URB2: variants seen among roughly 807,000 people sequenced by gnomAD.
URB2 encodes URB2 ribosome biogenesis homolog, also known as unhealthy ribosome biogenesis protein 2 homolog.
In URB2, 86 loss-of-function variants were observed where a neutral mutation model predicts 120.9. That is an observed-to-expected ratio of 0.71 (90% confidence interval 0.60 to 0.85). The LOEUF is 0.85. Among genes scored for constraint, URB2 ranks in the 40% least tolerant of loss-of-function variants. The pLI is 0.00. For missense variants in URB2, 1,765 were observed against 1,836.5 expected, an observed-to-expected ratio of 0.96 and a Z score of 0.71; for synonymous variants, 755 against 758.4, an observed-to-expected ratio of 1.00 and a Z score of 0.07.
At chr1:229,648,438 T>G (rs1283668039) in intron 7 of URB2, among the ~76,000 whole-genome samples, 2 of 152,260 alleles carry the variant, frequency 1.3e-5, no homozygotes, top group Non-Finnish European at 2.9e-5. Context: ...CTTGCTGGGC[T>G]TATAATTCAA....
At chr1:229,648,702 C>T (rs1050140720) in intron 7 of URB2, among the ~76,000 whole-genome samples, 1 of 152,226 alleles carries the variant, frequency 6.6e-6, no homozygotes, top group African/African-American at 2.4e-5. Flanking sequence ...AAACCTTAGA[C>T]TCAAGACTTG....
intron 2 of URB2, among the ~76,000 whole-genome samples, chr1:229,630,327 T>A (rs1464428734): frequency 1.3e-5 from 2 of 152,228 alleles, no homozygotes; most frequent in Non-Finnish European, 2.9e-5. Flanking sequence ...GGTTGCAGAA[T>A]GGATGTTGTG....
intron 4 of URB2, 138 bp from the exon 5 acceptor site, chr1:229,643,395 A>C: frequency 1.1e-6 from 1 of 927,870 alleles, no homozygotes. Flanking sequence ...TGCTTTTTCC[A>C]CCAGTGCTTA....
chr1:229,632,352 T>A lies in URB2; in HGVS notation c.210T>A (p.Leu70=). The A allele has an allele frequency of 2.5e-6, 4 of 1,595,770 alleles. No individual in the cohort carries two copies. Among genetic ancestry groups the A allele is most frequent in the Non-Finnish European group, 2.6e-6 (3 of 1,174,172 alleles). The part of the protein sequence containing the change: ...LELKEDIVER[L]WIYIDNILHS... ...TGAAGGAAGATATTGTTGAAAGGCT[T>A]TGGATCTATATAGATAACATTTTAC... The change falls in exon 3 of 10, where the codon CTT becomes CTA. Residue 70 remains leucine (L), a synonymous_variant. Transcript: ENST00000258243.
chr1:229,629,928 A>T (rs922314749), intron 2 of URB2, among the ~76,000 whole-genome samples: 41 of 152,260 alleles, frequency 2.7e-4, no homozygotes, highest in African/African-American at 9.6e-4. Flanking sequence ...ATTCCATCTC[A>T]AGAAACCACT....
At chr1:229,653,520 T>C (rs1666331377) in intron 8 of URB2, among the ~76,000 whole-genome samples, 1 of 152,168 alleles carries the variant, frequency 6.6e-6, no homozygotes. Context: ...TTCTGGAGTT[T>C]TATAAAAATG....
In URB2 at chr1:229,659,468, T is replaced by C. The variant is rs1162766675; in HGVS notation, c.*171T>C. 1.5e-5 allele frequency: 10 copies of C among 645,298 alleles called. No homozygotes were observed. The highest frequency in any genetic ancestry group is 2.5e-5 in the Non-Finnish European group (10 of 407,638). 40.0% of individuals were successfully genotyped at this position (645,298 alleles called of 1,614,324 possible). ...TTTGATGTATTTTACATCGTGTTTT[T>C]CTTACTATTTTTTAATACATAGTTT... On this transcript the variant is annotated 3_prime_UTR_variant, in exon 10 of 10. Transcript: ENST00000258243.
At position 229,635,227 on chromosome 1, in the gene URB2, G is replaced by A. The variant is rs780528343; in HGVS notation, c.614G>A (p.Cys205Tyr). 6.2e-7 allele frequency: 1 copy of A among 1,614,218 alleles called. No individual in the cohort carries two copies. The highest frequency in any genetic ancestry group is 1.7e-5 in the Admixed American group (1 of 60,030). The change falls in exon 4 of 10, where the codon TGC becomes TAC. Residue 205 changes from cysteine (C) to tyrosine (Y), a missense_variant. Cys to Tyr is a radical substitution (Grantham distance 194). Transcript: ENST00000258243. ...GTGACTGCTCACCTGCTCCAGCCGT[G>A]CCTGGTCCTGAGGCACTTACTCTCT... is the stretch of plus-strand genomic sequence containing the variant. ...GDVTAHLLQP[C>Y]LVLRHLLSGG...
At chr1:229,644,617 G>A (rs976846928) in intron 5 of URB2, among the ~76,000 whole-genome samples, 4 of 152,156 alleles carry the variant, frequency 2.6e-5, no homozygotes, top group African/African-American at 9.7e-5. Flanking sequence ...GCAGGCCCTG[G>A]TGGGGAGATA....
At chr1:229,647,261 A>G (rs956201582) in intron 6 of URB2, among the ~76,000 whole-genome samples, 2 of 152,192 alleles carry the variant, frequency 1.3e-5, no homozygotes, top group Non-Finnish European at 2.9e-5. Context: ...GTCCCAGGTT[A>G]CTTAGGTAAG....
intron 2 of URB2, among the ~76,000 whole-genome samples, chr1:229,630,786 G>A (rs1309100432): frequency 6.6e-6 from 1 of 151,968 alleles, no homozygotes; most frequent in Non-Finnish European, 1.5e-5. Flanking sequence ...CCAGGCGTTC[G>A]AGACCAGTCT....
chr1:229,652,040 G>T (rs1666288152), intron 8 of URB2, among the ~76,000 whole-genome samples: 2 of 152,080 alleles, frequency 1.3e-5, no homozygotes, highest in Admixed American at 1.3e-4. Context: ...AAATTAGCTG[G>T]GCGTGATGGT....
At chr1:229,631,315 A>G (rs1665661779) in intron 2 of URB2, among the ~76,000 whole-genome samples, 2 of 152,226 alleles carry the variant, frequency 1.3e-5, no homozygotes, top group South Asian at 2.1e-4. Flanking sequence ...TATCCAGACC[A>G]CTAAAACTTT....
intron 9 of URB2, among the ~76,000 whole-genome samples, chr1:229,655,992 T>G (rs1666398720): frequency 6.6e-6 from 1 of 152,228 alleles, no homozygotes; most frequent in Non-Finnish European, 1.5e-5. Flanking sequence ...ATGCCTGTCC[T>G]GTGGGTGGGG....
Position 229,633,533 on chromosome 1 carries a change from G to C in URB2, c.303+1088G>C, listed in dbSNP as rs73101783. On this transcript the variant is annotated intron_variant, in intron 3 of 9. Transcript: ENST00000258243. The stretch of plus-strand genomic sequence containing the variant: ...CAAAAATTTGGAGATCACTGTAATA[G>C]TGCATTGACATTTAAGGATTTCTCA... Among the ~76,000 whole-genome samples the C allele has an allele frequency of 3.4e-3, 518 of 152,276 alleles. 7 individuals carry two copies. Among genetic ancestry groups the C allele is most frequent in the African/African-American group, 0.012 (489 of 41,546 alleles).
intron 5 of URB2, among the ~76,000 whole-genome samples, chr1:229,644,467 C>G (rs76011728): frequency 0.013 from 1,922 of 152,310 alleles, 37 homozygotes; most frequent in African/African-American, 0.044. Flanking sequence ...CAGCTGTGCA[C>G]TGAAGAATGC....
chr1:229,645,748 T>A, intron 5 of URB2, 111 bp from the exon 6 acceptor site: 1 of 915,018 alleles, frequency 1.1e-6, no homozygotes, highest in Non-Finnish European at 1.8e-6. Context: ...ACACCAGGGC[T>A]CTCAATCCAC....
chr1:229,635,257 G>C lies in URB2; in HGVS notation c.644G>C (p.Gly215Ala). ...GTCCTGAGGCACTTACTCTCTGGGG[G>C]CACATGGACGCAGGCTGGCCAGGGC... ...CLVLRHLLSG[G>A]TWTQAGQGQL... The change falls in exon 4 of 10, where the codon GGC (glycine) becomes GCC (alanine). Residue 215 changes from glycine (G) to alanine (A), a missense_variant. Gly to Ala is a moderately conservative substitution (Grantham distance 60). Coordinates refer to ENST00000258243, the MANE Select transcript of URB2 (RefSeq NM_014777.4). 1 of 1,614,204 alleles carries C rather than the reference G, an allele frequency of 6.2e-7. No individual in the cohort carries two copies.
intron 8 of URB2, 55 bp downstream of exon 8, chr1:229,651,377 C>T: frequency 2.0e-6 from 3 of 1,488,380 alleles, no homozygotes; most frequent in East Asian, 2.3e-5. Flanking sequence ...TGAGGTGTGG[C>T]TGCTGGCCAC....
Sources: allele counts gnomAD v4.1 joint callset (sites outside exome capture counted in the v4.1 genomes callset), GRCh38; gene constraint gnomAD v4.1.1; transcripts MANE v1.5; gene names NCBI Gene and HGNC (gene_info 2026-07-23, HGNC 2026-07-21).